Variants in WDFY2 observed in about 807,000 individuals in gnomAD.
WDFY2 encodes WD repeat and FYVE domain-containing protein 2.
Under a neutral mutation model 56.4 loss-of-function variants are expected in WDFY2, and 36 were observed. The observed-to-expected ratio is 0.64, with a 90% CI of 0.49 to 0.84. The LOEUF is 0.84. WDFY2 is among the 40% of genes least tolerant of loss of function. The pLI, the probability that WDFY2 is intolerant of heterozygous loss-of-function variation, is 0.00. For missense variants in WDFY2, 444 were observed against 512.2 expected, an observed-to-expected ratio of 0.87 and a Z score of 1.29; for synonymous variants, 176 against 183.7, an observed-to-expected ratio of 0.96 and a Z score of 0.34.
intron 1 of WDFY2, among the ~76,000 whole-genome samples, chr13:51,622,203 A>G (rs996452590): frequency 1.4e-4 from 22 of 152,210 alleles, no homozygotes; most frequent in African/African-American, 4.6e-4. Flanking sequence ...AAGCTTTGCA[A>G]TATTTGTATT....
intron 3 of WDFY2, among the ~76,000 whole-genome samples, chr13:51,702,882 T>G (rs2408491): frequency 0.13 from 19,727 of 152,202 alleles, 1,699 homozygotes; most frequent in African/African-American, 0.22. Context: ...ACTCAAAACC[T>G]GGCTGGATCT....
intron 1 of WDFY2, among the ~76,000 whole-genome samples, chr13:51,629,826 C>CTTTTTTTTTTT (rs11432630): frequency 4.3e-4 from 54 of 125,088 alleles, no homozygotes; most frequent in East Asian, 6.8e-4. Context: ...TCTTTCTTTT[C>CTTTTTTTTTTT]TTTTTTTTTT....
At chr13:51,585,130 A>T (rs1953912799) in intron 1 of WDFY2, among the ~76,000 whole-genome samples, 1 of 152,206 alleles carries the variant, frequency 6.6e-6, no homozygotes, top group Non-Finnish European at 1.5e-5. Flanking sequence ...CCCTGAGGAC[A>T]GGAGGGAAAG....
chr13:51,704,952 T>G lies in WDFY2; in HGVS notation c.334+1302T>G, dbSNP rs184076244. Among the ~76,000 whole-genome samples, 82 of 152,284 alleles carry G rather than the reference T, an allele frequency of 5.4e-4. 2 individuals carry two copies. In the East Asian group the frequency reaches 0.012, roughly 23 times the overall value. On this transcript the variant is annotated intron_variant, in intron 4 of 11. Transcript: ENST00000298125. ...CCTGGAATTTACCCTGTACCTCCAG[T>G]GTGGGCTAGACCTAGAATATGGCAA...
At chr13:51,664,125 T>C (rs1955660489) in intron 2 of WDFY2, among the ~76,000 whole-genome samples, 2 of 152,152 alleles carry the variant, frequency 1.3e-5, no homozygotes, top group South Asian at 4.1e-4. Context: ...GGAAACCAGC[T>C]TAAAAGGCAG....
intron 1 of WDFY2, among the ~76,000 whole-genome samples, chr13:51,658,433 G>A (rs997919606): frequency 2.6e-5 from 4 of 152,168 alleles, no homozygotes; most frequent in African/African-American, 9.7e-5. Flanking sequence ...CCTACAAACT[G>A]TGGAGGACAA....
intron 1 of WDFY2, among the ~76,000 whole-genome samples, chr13:51,642,432 T>A (rs1325261217): frequency 6.6e-6 from 1 of 151,716 alleles, no homozygotes; most frequent in Non-Finnish European, 1.5e-5. Flanking sequence ...GGACTACAGG[T>A]GTGCTCCACC....
intron 4 of WDFY2, among the ~76,000 whole-genome samples, chr13:51,715,574 C>T (rs1003471619): frequency 6.6e-6 from 1 of 152,002 alleles, no homozygotes; most frequent in South Asian, 2.1e-4. Flanking sequence ...TCCTGCAGGA[C>T]CTGCATGAGG....
At chr13:51,650,795 G>A (rs1010821188) in intron 1 of WDFY2, among the ~76,000 whole-genome samples, 9 of 152,186 alleles carry the variant, frequency 5.9e-5, no homozygotes, top group African/African-American at 2.2e-4. Flanking sequence ...GCTTTTTGAT[G>A]TGTTGCTGGA....
chr13:51,720,210 G>A (rs530766170), intron 5 of WDFY2, among the ~76,000 whole-genome samples: 3 of 152,120 alleles, frequency 2.0e-5, no homozygotes, highest in Non-Finnish European at 4.4e-5. Context: ...TCAGTGATTC[G>A]CAACATCTGA....
intron 1 of WDFY2, among the ~76,000 whole-genome samples, chr13:51,653,419 G>A (rs540253879): frequency 9.2e-5 from 14 of 152,268 alleles, no homozygotes; most frequent in South Asian, 6.2e-4. Flanking sequence ...GTCATTCTCC[G>A]TCCAGCTTTA....
intron 1 of WDFY2, among the ~76,000 whole-genome samples, chr13:51,635,411 A>C (rs151044440): frequency 6.6e-6 from 1 of 152,234 alleles, no homozygotes; most frequent in Non-Finnish European, 1.5e-5. Context: ...AGACGTGATC[A>C]AATCCAGATC....
intron 1 of WDFY2, among the ~76,000 whole-genome samples, chr13:51,606,596 A>T (rs2138324640): frequency 6.6e-6 from 1 of 152,328 alleles, no homozygotes; most frequent in East Asian, 1.9e-4. Context: ...TGTTCATATC[A>T]ATGGAATATG....
intron 1 of WDFY2, among the ~76,000 whole-genome samples, chr13:51,652,871 T>G (rs1217386100): frequency 6.6e-6 from 1 of 152,172 alleles, no homozygotes; most frequent in Non-Finnish European, 1.5e-5. Flanking sequence ...GTGAATCTGA[T>G]AATTATGTGT....
chr13:51,671,204 G>A (rs1955801075), intron 2 of WDFY2, among the ~76,000 whole-genome samples: 1 of 152,112 alleles, frequency 6.6e-6, no homozygotes, highest in South Asian at 2.1e-4. Context: ...TTCGTATAAT[G>A]ACTTCTTTTT....
At chr13:51,597,564 T>C (rs1954174798) in intron 1 of WDFY2, among the ~76,000 whole-genome samples, 1 of 152,216 alleles carries the variant, frequency 6.6e-6, no homozygotes, top group South Asian at 2.1e-4. Flanking sequence ...GTCTGTTGCT[T>C]TTGTTGCCTA....
At chr13:51,661,723 A>G (rs1955617624) in intron 2 of WDFY2, among the ~76,000 whole-genome samples, 1 of 152,238 alleles carries the variant, frequency 6.6e-6, no homozygotes, top group Non-Finnish European at 1.5e-5. Flanking sequence ...TGTCTTTAGA[A>G]TTTTGTAGTA....
chr13:51,705,559 G>C (rs1340587532), intron 4 of WDFY2, among the ~76,000 whole-genome samples: 1 of 149,066 alleles, frequency 6.7e-6, no homozygotes, highest in Non-Finnish European at 1.5e-5. Flanking sequence ...TGAATTGTTT[G>C]TTTTTTTCTT....
At chr13:51,667,511 A>G (rs1955727896) in intron 2 of WDFY2, among the ~76,000 whole-genome samples, 1 of 152,164 alleles carries the variant, frequency 6.6e-6, no homozygotes, top group South Asian at 2.1e-4. Context: ...TGGGTATATT[A>G]GTGGTATTAT....
Sources: gnomAD v4.1 joint callset for allele counts (sites outside exome capture counted in the v4.1 genomes callset) on GRCh38, gnomAD v4.1.1 for gene constraint, MANE v1.5 for transcripts, NCBI Gene and HGNC (gene_info 2026-07-23, HGNC 2026-07-21) for gene names.